Variants in DPP6 observed in about 807,000 individuals in gnomAD.
The protein encoded by DPP6 is dipeptidyl peptidase like 6.
A neutral mutation model predicts 122.6 loss-of-function variants in DPP6; 69 were observed. That is an observed-to-expected ratio of 0.56 (90% CI 0.46 to 0.69). DPP6 has a LOEUF of 0.69. DPP6 is among the 30% of genes least tolerant of loss of function. The pLI is 0.00. For synonymous variants in DPP6, 418 were observed against 433.1 expected (o/e 0.97, Z 0.43); for missense variants, 928 against 1,116.9 (o/e 0.83, Z 2.41).
chr7:154,203,878 A>G (rs769156528), intron 1 of DPP6, among the ~76,000 whole-genome samples: 13 of 152,176 alleles, frequency 8.5e-5, no homozygotes, highest in Non-Finnish European at 1.5e-4. Flanking sequence ...AAGAAGATAG[A>G]GGCAGTAACA....
At chr7:153,800,494 A>G in the DPP6 span, among the ~76,000 whole-genome samples, 1 of 152,188 alleles carries the variant, frequency 6.6e-6, no homozygotes, top group South Asian at 2.1e-4. Flanking sequence ...CTACATTCTA[A>G]TGTTCAACAG....
Position 154,880,916 on chromosome 7 carries a change from A to G in DPP6, c.2107A>G (p.Arg703Gly), listed in dbSNP as rs1360553742. ...GATGCTGAAGGAGCAGTACATTGAC[A>G]GGACGCGCGTGGCCGTGTTTGGGAA... ...RTMLKEQYID[R>G]TRVAVFGKDY... The change falls in exon 21 of 26, where the codon AGG becomes GGG. Residue 703 changes from arginine to glycine, a missense_variant. Transcript: ENST00000377770. The G allele has an allele frequency of 6.2e-7, 1 of 1,613,920 alleles. No homozygotes were observed. The highest frequency in any genetic ancestry group is 1.7e-5 in the Admixed American group (1 of 60,024).
chr7:154,028,752 G>A (rs1799074906), intron 1 of DPP6, among the ~76,000 whole-genome samples: 1 of 152,028 alleles, frequency 6.6e-6, no homozygotes, highest in Non-Finnish European at 1.5e-5. Context: ...TTTCACTTCT[G>A]CCCACTCCAT....
the DPP6 span, among the ~76,000 whole-genome samples, chr7:153,764,051 T>C: frequency 1.6e-4 from 25 of 152,348 alleles, no homozygotes; most frequent in Admixed American, 1.6e-3. Context: ...AAACTCTGTC[T>C]AGTTCTAAAC....
intron 1 of DPP6, among the ~76,000 whole-genome samples, chr7:154,252,473 TTCTC>T (rs1475717169): frequency 3.3e-5 from 5 of 152,314 alleles, no homozygotes; most frequent in African/African-American, 1.2e-4. Context: ...TTGTTTTAAA[TTCTC>T]TATAGATAAT....
chr7:153,852,501 G>C, the DPP6 span, among the ~76,000 whole-genome samples: 4 of 152,056 alleles, frequency 2.6e-5, no homozygotes, highest in Admixed American at 2.6e-4. Flanking sequence ...ACAGTACCAA[G>C]GGGGAATGGT....
chr7:154,873,921 T>C (rs1421039657), intron 19 of DPP6, among the ~76,000 whole-genome samples: 2 of 132,946 alleles, frequency 1.5e-5, no homozygotes, highest in African/African-American at 3.0e-5. Flanking sequence ...CACACACACA[T>C]GCACACACCC....
the DPP6 span, among the ~76,000 whole-genome samples, chr7:153,776,261 G>A: frequency 2.0e-5 from 3 of 152,134 alleles, no homozygotes; most frequent in African/African-American, 7.2e-5. Flanking sequence ...TTGAATTGTA[G>A]TTCCCGTAAT....
intron 1 of DPP6, among the ~76,000 whole-genome samples, chr7:154,444,516 A>C (rs1819692155): frequency 6.6e-6 from 1 of 152,230 alleles, no homozygotes; most frequent in Non-Finnish European, 1.5e-5. Context: ...TGAGCTAATG[A>C]AGATAACATT....
Position 153,914,592 on chromosome 7 carries a change from G to C in DPP6, c.51+26858G>C, listed in dbSNP as rs542545835. On this transcript the variant is annotated intron_variant, in intron 1 of 25. Coordinates refer to the DPP6 transcript ENST00000404039. The stretch of plus-strand genomic sequence containing the variant: ...AATAAATTTTAGCATATTTAGAGTT[G>C]TGCTACCATCACCACAATCTAATTT... 9.2e-5 allele frequency among the ~76,000 whole-genome samples: 14 copies of C among 152,278 alleles called. 1 individual carries two copies. The South Asian group carries it at 2.7e-3, about 29-fold the overall frequency.
At chr7:154,247,528 C>G (rs927938315) in intron 1 of DPP6, among the ~76,000 whole-genome samples, 1 of 151,962 alleles carries the variant, frequency 6.6e-6, no homozygotes, top group Admixed American at 6.6e-5. Flanking sequence ...CCAGGAAATG[C>G]CAGCTAAAAC....
At chr7:154,473,987 G>A (rs1353140756) in intron 2 of DPP6, among the ~76,000 whole-genome samples, 3 of 152,158 alleles carry the variant, frequency 2.0e-5, no homozygotes, top group Non-Finnish European at 4.4e-5. Context: ...TATTTAAGAG[G>A]GCAGGGAAGT....
the DPP6 span, among the ~76,000 whole-genome samples, chr7:153,765,672 C>T: frequency 6.6e-6 from 1 of 152,048 alleles, no homozygotes; most frequent in African/African-American, 2.4e-5. Flanking sequence ...TAAAAGGATT[C>T]ACGGCAGAGT....
chr7:154,558,687 T>C (rs1034528914), intron 4 of DPP6, among the ~76,000 whole-genome samples: 1 of 152,242 alleles, frequency 6.6e-6, no homozygotes, highest in Non-Finnish European at 1.5e-5. Flanking sequence ...CTATGCCATA[T>C]GGCCTAGGTG....
intron 1 of DPP6, among the ~76,000 whole-genome samples, chr7:154,431,199 C>T (rs957357624): frequency 6.6e-6 from 1 of 152,140 alleles, no homozygotes; most frequent in Non-Finnish European, 1.5e-5. Flanking sequence ...GAGCCACAGG[C>T]CACCAGGGGG....
intron 1 of DPP6, among the ~76,000 whole-genome samples, chr7:153,966,613 A>G (rs1457748978): frequency 3.5e-5 from 1 of 28,708 alleles, no homozygotes; most frequent in Non-Finnish European, 7.6e-5. Flanking sequence ...TTTTTTTTAA[A>G]AAATTATACT....
At chr7:154,725,213 A>G (rs1842007993) in intron 7 of DPP6, among the ~76,000 whole-genome samples, 1 of 152,210 alleles carries the variant, frequency 6.6e-6, no homozygotes, top group Non-Finnish European at 1.5e-5. Context: ...AAAACCCAGA[A>G]CTACAGTGTC....
intron 1 of DPP6, among the ~76,000 whole-genome samples, chr7:154,264,920 G>C (rs1387446831): frequency 1.4e-5 from 2 of 142,300 alleles, no homozygotes; most frequent in African/African-American, 5.2e-5. Context: ...AGTGATGATG[G>C]TGTTAATGAT....
intron 1 of DPP6, among the ~76,000 whole-genome samples, chr7:154,419,697 T>G (rs1817300636): frequency 6.6e-6 from 1 of 152,206 alleles, no homozygotes; most frequent in South Asian, 2.1e-4. Context: ...AGAACAGCCC[T>G]CGAATTTTGA....
Sources: allele counts gnomAD v4.1 joint callset (sites outside exome capture counted in the v4.1 genomes callset), GRCh38; gene constraint gnomAD v4.1.1; transcripts MANE v1.5; gene names NCBI Gene and HGNC (gene_info 2026-07-23, HGNC 2026-07-21).